PSG9: variants seen among roughly 807,000 people sequenced by gnomAD.
PSG9 encodes the protein pregnancy specific beta-1-glycoprotein 9, also known as pregnancy-specific beta-1-glycoprotein 9.
A neutral mutation model predicts 41.9 loss-of-function variants in PSG9; 49 were observed. The ratio of observed to expected loss-of-function variants is 1.17; its 90% CI spans 0.93 to 1.48. The LOEUF (loss-of-function observed/expected upper bound fraction) is 1.48. Among genes scored for constraint, PSG9 ranks in the 40% most tolerant of loss-of-function variants. The pLI, the probability that PSG9 is intolerant of heterozygous loss-of-function variation, is 0.00. For missense variants in PSG9, 641 were observed against 520.3 expected (o/e 1.23, Z -2.26); for synonymous variants, 263 against 196.8 (o/e 1.34, Z -2.82).
rs769815824 is a variant in PSG9 at position 43,261,905 on chromosome 19, G to A, written c.664C>T (p.Pro222Ser). The stretch of plus-strand genomic sequence containing the variant: ...GGGTCACTGCGACTGGCACTCACTG[G>A]GTTCCGTATTTCACATTCATAGGGT... ...AGPYECEIRN[P>S]VSASRSDPVT... The change falls in exon 3 of 6, where the codon CCA becomes TCA. Residue 222 changes from proline to serine, a missense_variant. By Grantham distance (74) the Pro-to-Ser change is moderately conservative. Coordinates refer to ENST00000270077, the MANE Select transcript of PSG9 (RefSeq NM_002784.5). 4 of 1,614,060 alleles carry A rather than the reference G, an allele frequency of 2.5e-6. No homozygotes were observed. The South Asian group carries it at 3.3e-5, about 13-fold the overall frequency.
chr19:43,263,811 C>T (rs182149076), intron 2 of PSG9, among the ~76,000 whole-genome samples: 7 of 152,018 alleles, frequency 4.6e-5, no homozygotes, highest in South Asian at 2.1e-4. Context: ...GAGAGAGTCC[C>T]GTTAAAAGGA....
Position 43,258,087 on chromosome 19 carries a change from T to C in PSG9, c.1243+115A>G, listed in dbSNP as rs1469637567. On this transcript the variant is annotated intron_variant, in intron 5 of 5. Coordinates refer to ENST00000270077, the MANE Select transcript of PSG9 (RefSeq NM_002784.5). ...AGGGTTCAGGAGGAGAATTTGGGAT[T>C]TGCTTGTGCCCATGGGACACAGGCT... 1.6e-5 allele frequency: 25 copies of C among 1,589,222 alleles called. 1 individual carries two copies. Among genetic ancestry groups the C allele is most frequent in the Non-Finnish European group, 2.1e-5 (25 of 1,173,950 alleles).
At chr19:43,265,514 G>A (rs185424364) in intron 2 of PSG9, among the ~76,000 whole-genome samples, 10 of 152,082 alleles carry the variant, frequency 6.6e-5, no homozygotes, top group South Asian at 4.1e-4. Flanking sequence ...CCCTCCGGCC[G>A]CATGATTCCA....
intron 5 of PSG9, among the ~76,000 whole-genome samples, chr19:43,255,408 C>T (rs1263978453): frequency 1.4e-5 from 2 of 146,566 alleles, no homozygotes; most frequent in South Asian, 4.3e-4. Flanking sequence ...GCATCATACT[C>T]AATGGAGAAA....
At chr19:43,255,978 T>C (rs988228013) in intron 5 of PSG9, among the ~76,000 whole-genome samples, 1 of 146,532 alleles carries the variant, frequency 6.8e-6, no homozygotes, top group Admixed American at 6.8e-5. Flanking sequence ...CTCAGTGGCA[T>C]TTTTGCAGAA....
chr19:43,255,121 G>A (rs201565629), intron 5 of PSG9, among the ~76,000 whole-genome samples: 31 of 77,490 alleles, frequency 4.0e-4, no homozygotes, highest in Admixed American at 7.7e-4. Context: ...AAAAAAAAAA[G>A]AAAGAAAGAA....
Position 43,261,864 on chromosome 19 carries a change from G to A in PSG9, c.705C>T (p.Leu235=). 2 of 1,614,078 alleles carry A rather than the reference G, an allele frequency of 1.2e-6. No homozygotes were observed. The highest frequency in any genetic ancestry group is 8.5e-7 in the Non-Finnish European group (1 of 1,179,932). ...ASRSDPVTLN[L]LPKLPIPYIT... ...AGAGGAACAGAAGATACTCACGGAGGAGATTCAGGGTGACTGGGTCACTGC... is the reference window on the plus strand; with the variant it reads ...AGAGGAACAGAAGATACTCACGGAGAAGATTCAGGGTGACTGGGTCACTGC... The change falls in exon 3 of 6, where the codon CTC becomes CTT. Residue 235 remains leucine, a synonymous_variant. Coordinates refer to ENST00000270077, the MANE Select transcript of PSG9 (RefSeq NM_002784.5).
In PSG9 at chr19:43,253,552, CT is replaced by C; in HGVS notation, c.*56del. On this transcript the variant is annotated 3_prime_UTR_variant, in exon 6 of 6. Coordinates refer to ENST00000270077, the MANE Select transcript of PSG9 (RefSeq NM_002784.5). ...AACATTGAGTTTTTTTCTTCTTTGT[CT>C]TGAATTTCATGAAGGTATCAGCCTG... 1 of 657,210 alleles carries C rather than the reference CT, an allele frequency of 1.5e-6. No individual in the cohort carries two copies. The highest frequency in any genetic ancestry group is 2.0e-5 in the African/African-American group (1 of 50,672). 40.7% of individuals were successfully genotyped at this position (657,210 alleles called of 1,614,324 possible).
At chr19:43,264,666 C>T (rs1968884718) in intron 2 of PSG9, among the ~76,000 whole-genome samples, 1 of 152,138 alleles carries the variant, frequency 6.6e-6, no homozygotes, top group Non-Finnish European at 1.5e-5. Flanking sequence ...ACCCTGTTAG[C>T]CAGGATTGTC....
Position 43,260,384 on chromosome 19 carries a change from G to A in PSG9, c.710-1249C>T, listed in dbSNP as rs1157127221. ...TATTTGTCATATACTTACTGGTTTA[G>A]CATCCCAAATCTGAAAGATTCAAAA... On this transcript the variant is annotated intron_variant, in intron 3 of 5. Transcript: ENST00000270077. The A allele has an allele frequency of 4.8e-5, 7 of 147,358 alleles. 1 individual carries two copies. Among genetic ancestry groups the A allele is most frequent in the Non-Finnish European group, 1.0e-4 (7 of 67,480 alleles). 9.1% of individuals were successfully genotyped at this position (147,358 alleles called of 1,614,324 possible). A position where few individuals can be genotyped will look rare whatever the true frequency, so the allele number is the denominator to read the frequency against.
At chr19:43,254,996 AAGG>A (rs1282138451) in intron 5 of PSG9, among the ~76,000 whole-genome samples, 1 of 143,836 alleles carries the variant, frequency 7.0e-6, no homozygotes, top group Non-Finnish European at 1.5e-5. Flanking sequence ...GAGGCTGAAG[AAGG>A]AGAATTGCTT....
Position 43,267,804 on chromosome 19 carries a change from TG to T in PSG9, c.409del (p.His137IlefsTer20), listed in dbSNP as rs1969043099. 1.9e-6 allele frequency: 3 copies of T among 1,612,922 alleles called. No individual in the cohort carries two copies. In the East Asian group the frequency reaches 6.7e-5, roughly 36 times the overall value. ...CTCACAGTATAAGGTGAAGGTGAAA[TG>T]TCGAATTTCTTCTCTAGTCTCATCA... ...RGDETREEIR[H>X]FTFTLYLETP... On this transcript the variant is annotated frameshift_variant, in exon 2 of 6. Transcript: ENST00000270077. LOFTEE classifies it high-confidence loss of function.
At chr19:43,267,711 TG>T in intron 2 of PSG9, 72 bp downstream of exon 2, 1 of 1,599,950 alleles carries the variant, frequency 6.3e-7, no homozygotes, top group East Asian at 2.2e-5. Flanking sequence ...AGTCCAGGCC[TG>T]ACAATCCTGT....
Position 43,268,271 on chromosome 19 carries a change from T to TACAC in PSG9, c.65-123_65-122insGTGT, listed in dbSNP as rs965527443. 1.7e-4 allele frequency: 231 copies of TACAC among 1,371,368 alleles called. 1 individual carries two copies. Among genetic ancestry groups the TACAC allele is most frequent in the Non-Finnish European group, 2.3e-4 (227 of 1,005,318 alleles). 84.9% of individuals were successfully genotyped at this position (1,371,368 alleles called of 1,614,324 possible). A position where few individuals can be genotyped will look rare whatever the true frequency, so the allele number is the denominator to read the frequency against. ...CCTTGAAGATACACACACGCACACATACAAACAAACACACACAAAAAACGG... is the reference window on the plus strand; with the variant it reads ...CCTTGAAGATACACACACGCACACATACACACAAACAAACACACACAAAAAACGG... On this transcript the variant is annotated intron_variant, in intron 1 of 5. Coordinates refer to ENST00000270077, the MANE Select transcript of PSG9 (RefSeq NM_002784.5).
Position 43,268,103 on chromosome 19 carries a change from C to G in PSG9, c.111G>C (p.Thr37=). ...FWNPPTTAEV[T]IEAQPPKVSE... ...AAACTTTGGGTGGCTGGGCTTCAATCGTGACTTCGGCAGTGGTGGGCGGGT... is the reference window on the plus strand; with the variant it reads ...AAACTTTGGGTGGCTGGGCTTCAATGGTGACTTCGGCAGTGGTGGGCGGGT... Residue 37 remains threonine, a synonymous_variant, in exon 2 of 6, where the codon ACG becomes ACC. Coordinates refer to ENST00000270077, the MANE Select transcript of PSG9 (RefSeq NM_002784.5). The G allele has an allele frequency of 6.2e-7, 1 of 1,612,922 alleles. No individual in the cohort carries two copies. The highest frequency in any genetic ancestry group is 8.5e-7 in the Non-Finnish European group (1 of 1,179,370).
chr19:43,265,388 T>C (rs1288076115), intron 2 of PSG9, among the ~76,000 whole-genome samples: 3 of 152,132 alleles, frequency 2.0e-5, no homozygotes, highest in Non-Finnish European at 4.4e-5. Flanking sequence ...TTTTGAGATG[T>C]TTCTCATTCT....
intron 2 of PSG9, among the ~76,000 whole-genome samples, chr19:43,267,385 G>A (rs766036336): frequency 2.0e-5 from 3 of 152,134 alleles, no homozygotes; most frequent in Non-Finnish European, 4.4e-5. Context: ...TTTAGGGACA[G>A]GGGTCTGGGG....
At chr19:43,260,950 T>C (rs935937960) in intron 3 of PSG9, among the ~76,000 whole-genome samples, 1 of 152,176 alleles carries the variant, frequency 6.6e-6, no homozygotes, top group Admixed American at 6.5e-5. Context: ...AATATTTTAT[T>C]CCTTTTGATG....
intron 2 of PSG9, among the ~76,000 whole-genome samples, chr19:43,264,129 T>C (rs1025681429): frequency 3.9e-5 from 6 of 151,988 alleles, no homozygotes; most frequent in Non-Finnish European, 7.4e-5. Flanking sequence ...CATGAGGAAA[T>C]AGTTGTATGA....
Sources: allele counts gnomAD v4.1 joint callset (sites outside exome capture counted in the v4.1 genomes callset), GRCh38; gene constraint gnomAD v4.1.1; transcripts MANE v1.5; gene names NCBI Gene and HGNC (gene_info 2026-07-23, HGNC 2026-07-21).